The following CDKAL1 variants were observed in gnomAD, a reference collection of about 807,000 sequenced individuals.
The protein encoded by CDKAL1 is CDKAL1 threonylcarbamoyladenosine tRNA methylthiotransferase.
In CDKAL1, 32 loss-of-function variants were observed where a neutral mutation model predicts 68.2. That is an observed-to-expected ratio of 0.47 (90% CI 0.35 to 0.63). CDKAL1 has a LOEUF of 0.63. Ranked by LOEUF, CDKAL1 falls within the 30% of genes least tolerant of loss-of-function variation. The probability of loss-of-function intolerance (pLI) is 0.00; values close to 1 mark genes in which losing one functional copy is unlikely to be tolerated. For missense variants in CDKAL1, 606 were observed against 696.7 expected (o/e 0.87, Z 1.47); for synonymous variants, 234 against 244.3 (o/e 0.96, Z 0.39).
intron 4 of CDKAL1, among the ~76,000 whole-genome samples, chr6:20,551,788 C>T (rs1037217931): frequency 5.3e-5 from 8 of 152,024 alleles, no homozygotes; most frequent in African/African-American, 1.9e-4. Context: ...TTCAGAATTA[C>T]TTCTCTATAT....
intron 13 of CDKAL1, among the ~76,000 whole-genome samples, chr6:21,189,774 G>A (rs1778161334): frequency 1.3e-5 from 2 of 152,106 alleles, no homozygotes; most frequent in African/African-American, 4.8e-5. Context: ...TATTACTGTT[G>A]ACCGTTTTTA....
At chr6:21,031,429 G>A (rs1032228142) in intron 11 of CDKAL1, among the ~76,000 whole-genome samples, 2 of 151,620 alleles carry the variant, frequency 1.3e-5, no homozygotes, top group Admixed American at 6.6e-5. Context: ...CCACTAATTT[G>A]GGACCTTAAG....
intron 13 of CDKAL1, among the ~76,000 whole-genome samples, chr6:21,134,499 C>G (rs1297834846): frequency 6.6e-6 from 1 of 152,074 alleles, no homozygotes; most frequent in Non-Finnish European, 1.5e-5. Flanking sequence ...CTTGTATGTG[C>G]CCCAAATTCA....
chr6:20,995,080 C>T (rs1229560961), intron 10 of CDKAL1, among the ~76,000 whole-genome samples: 3 of 152,212 alleles, frequency 2.0e-5, no homozygotes, highest in African/African-American at 7.2e-5. Context: ...AGAAACAACT[C>T]ATCATCTGTT....
chr6:20,644,263 G>A (rs6933219), intron 4 of CDKAL1, among the ~76,000 whole-genome samples: 35,063 of 151,834 alleles, frequency 0.23, 4,411 homozygotes, highest in African/African-American at 0.3. Context: ...AGCCTGGCAC[G>A]TAGTGAATCC....
chr6:20,719,430 A>G (rs1218585603), intron 5 of CDKAL1, among the ~76,000 whole-genome samples: 1 of 152,188 alleles, frequency 6.6e-6, no homozygotes, highest in African/African-American at 2.4e-5. Context: ...ATACGAGTGT[A>G]CATAGGAATT....
At chr6:21,226,580 G>A (rs1056002624) in intron 15 of CDKAL1, among the ~76,000 whole-genome samples, 21 of 152,168 alleles carry the variant, frequency 1.4e-4, no homozygotes, top group Admixed American at 2.6e-4. Context: ...CGCCTTTTGC[G>A]TAAGCAAAGG....
At chr6:20,963,223 A>G (rs1401959715) in intron 10 of CDKAL1, among the ~76,000 whole-genome samples, 3 of 152,056 alleles carry the variant, frequency 2.0e-5, no homozygotes, top group Non-Finnish European at 4.4e-5. Context: ...TAGCAAAATT[A>G]TAGGCTCTAC....
chr6:20,658,981 A>T (rs1045406297), intron 5 of CDKAL1, among the ~76,000 whole-genome samples: 1 of 151,314 alleles, frequency 6.6e-6, no homozygotes, highest in African/African-American at 2.4e-5. Context: ...CACCCAGCCA[A>T]TCTGTTATTA....
intron 5 of CDKAL1, among the ~76,000 whole-genome samples, chr6:20,737,516 T>C (rs992564083): frequency 6.6e-6 from 1 of 152,178 alleles, no homozygotes; most frequent in Non-Finnish European, 1.5e-5. Context: ...GTCTCTTGGA[T>C]GTTTGGCAGA....
At chr6:20,905,583 C>A (rs1364516690) in intron 9 of CDKAL1, among the ~76,000 whole-genome samples, 3 of 152,028 alleles carry the variant, frequency 2.0e-5, no homozygotes, top group Non-Finnish European at 2.9e-5. Context: ...TGTAAACATC[C>A]CAGAAGCCCA....
At chr6:20,867,388 G>A (rs567509215) in intron 9 of CDKAL1, among the ~76,000 whole-genome samples, 84 of 152,154 alleles carry the variant, frequency 5.5e-4, no homozygotes, top group African/African-American at 2.0e-3. Flanking sequence ...TTTGATTTTT[G>A]GTCATTTTCT....
chr6:20,772,063 T>G (rs928787035), intron 7 of CDKAL1, among the ~76,000 whole-genome samples: 1 of 152,236 alleles, frequency 6.6e-6, no homozygotes, highest in African/African-American at 2.4e-5. Context: ...GTACATTTTA[T>G]TGTTCTCATT....
At chr6:20,696,720 C>G (rs950014507) in intron 5 of CDKAL1, among the ~76,000 whole-genome samples, 7 of 152,102 alleles carry the variant, frequency 4.6e-5, no homozygotes, top group African/African-American at 1.7e-4. Context: ...AGAATCACAG[C>G]TTGTAATTAT....
intron 5 of CDKAL1, among the ~76,000 whole-genome samples, chr6:20,729,239 G>T (rs1299780228): frequency 6.6e-6 from 1 of 152,172 alleles, no homozygotes; most frequent in Non-Finnish European, 1.5e-5. Flanking sequence ...TGTCCCCTTA[G>T]ATTAGTCTTA....
chr6:20,911,050 G>A (rs1213374892), intron 9 of CDKAL1, among the ~76,000 whole-genome samples: 1 of 152,226 alleles, frequency 6.6e-6, no homozygotes, highest in African/African-American at 2.4e-5. Context: ...CCTGTTCGTA[G>A]TACTTTGCTA....
chr6:21,075,566 A>AT (rs555430468), intron 12 of CDKAL1, among the ~76,000 whole-genome samples: 10 of 151,966 alleles, frequency 6.6e-5, no homozygotes, highest in Admixed American at 5.2e-4. Context: ...ACTAAAATTT[A>AT]TTTTTTTTAG....
intron 11 of CDKAL1, among the ~76,000 whole-genome samples, chr6:21,056,042 T>C (rs1170058661): frequency 6.6e-6 from 1 of 152,198 alleles, no homozygotes. Flanking sequence ...TGTTGTTTCT[T>C]GACTTTTTAC....
intron 8 of CDKAL1, among the ~76,000 whole-genome samples, chr6:20,813,823 A>G (rs986390109): frequency 2.6e-5 from 4 of 152,150 alleles, no homozygotes; most frequent in Non-Finnish European, 5.9e-5. Flanking sequence ...CTAGTTTCAC[A>G]CGGAGTTGAT....
Sources: gnomAD v4.1 joint callset for allele counts (sites outside exome capture counted in the v4.1 genomes callset) on GRCh38, gnomAD v4.1.1 for gene constraint, MANE v1.5 for transcripts, NCBI Gene and HGNC (gene_info 2026-07-23, HGNC 2026-07-21) for gene names.